The following RUVBL2 variants were observed in gnomAD, a reference collection of about 807,000 sequenced individuals.
The protein encoded by RUVBL2 is RuvB like AAA ATPase 2.
A neutral mutation model predicts 57.9 loss-of-function variants in RUVBL2; 9 were observed. The ratio of observed to expected loss-of-function variants is 0.16; its 90% CI spans 0.09 to 0.27. RUVBL2 has a LOEUF of 0.27. RUVBL2 is among the 10% of genes least tolerant of loss of function. The pLI is 1.00. For synonymous variants in RUVBL2, 278 were observed against 264.6 expected (o/e 1.05, Z -0.49); for missense variants, 456 against 669.6 (o/e 0.68, Z 3.52).
chr19:48,996,541 T>TGTGTGTGTGTG (rs2039065498), intron 1 of RUVBL2, among the ~76,000 whole-genome samples: 1 of 146,236 alleles, frequency 6.8e-6, no homozygotes, highest in African/African-American at 2.5e-5. Flanking sequence ...TGTGTGTGTG[T>TGTGTGTGTGTG]TAGTGATAGA....
intron 1 of RUVBL2, among the ~76,000 whole-genome samples, chr19:48,996,588 C>T (rs1304930303): frequency 6.6e-6 from 1 of 151,678 alleles, no homozygotes; most frequent in Non-Finnish European, 1.5e-5. Flanking sequence ...TGCAGTGGCG[C>T]GATCTCTGCT....
chr19:48,998,615 G>A (rs1290669720), intron 1 of RUVBL2, among the ~76,000 whole-genome samples: 2 of 150,300 alleles, frequency 1.3e-5, no homozygotes, highest in Non-Finnish European at 3.0e-5. Context: ...AGGCTGAGGC[G>A]GGAGAATCGG....
chr19:49,005,668 C>T (rs964895915), intron 4 of RUVBL2, among the ~76,000 whole-genome samples: 1 of 150,682 alleles, frequency 6.6e-6, no homozygotes. Context: ...GACAGTTTCA[C>T]TCTGTCGCTC....
At chr19:49,003,654 C>T (rs766967874) in intron 3 of RUVBL2, among the ~76,000 whole-genome samples, 6 of 151,768 alleles carry the variant, frequency 4.0e-5, no homozygotes, top group Non-Finnish European at 8.8e-5. Flanking sequence ...CATGGTGGTG[C>T]ATGCCTGTAA....
At chr19:49,004,551 C>A in intron 4 of RUVBL2, 133 bp downstream of exon 4, 1 of 879,428 alleles carries the variant, frequency 1.1e-6, no homozygotes, top group Non-Finnish European at 1.7e-6. Flanking sequence ...AGGATTCATT[C>A]TTGCCCATGG....
In RUVBL2 at chr19:48,999,161, C is replaced by T. The variant is rs1391263942; in HGVS notation, c.13-158C>T. The T allele has an allele frequency of 2.2e-5, 17 of 765,034 alleles. No homozygotes were observed. In the East Asian group the frequency reaches 3.8e-4, roughly 17 times the overall value. The allele number at this position is 765,034 out of a possible 1,614,324, so 47.4% of individuals were successfully genotyped here. On this transcript the variant is annotated intron_variant, in intron 1 of 14. Coordinates refer to ENST00000595090, the MANE Select transcript of RUVBL2 (RefSeq NM_006666.3). The stretch of plus-strand genomic sequence containing the variant: ...GGGGCTCAACCAACCAGCCATTAGG[C>T]AGTGACAGGCAAGAGGGGTGGGGGT...
At chr19:49,010,106 TG>T in intron 8 of RUVBL2, 40 bp downstream of exon 8, 1 of 1,572,312 alleles carries the variant, frequency 6.4e-7, no homozygotes, top group African/African-American at 1.3e-5. Flanking sequence ...CCCCCAGCAC[TG>T]GGGTGTTTTC....
chr19:48,999,207 C>T, intron 1 of RUVBL2, 112 bp from the exon 2 acceptor site: 7 of 1,172,152 alleles, frequency 6.0e-6, no homozygotes, highest in Non-Finnish European at 9.0e-6. Flanking sequence ...TGTCCCATCG[C>T]CTGCCTGTGA....
chr19:48,994,932 AG>A (rs2039025611), intron 1 of RUVBL2: 1 of 151,928 alleles, frequency 6.6e-6, no homozygotes, highest in South Asian at 2.1e-4. Flanking sequence ...AAAAAAAAAA[AG>A]GTAATGTGAC....
Position 49,015,678 on chromosome 19 carries a change from A to G in RUVBL2, c.1358A>G (p.Asn453Ser). 6.2e-7 allele frequency: 1 copy of G among 1,613,854 alleles called. No individual in the cohort carries two copies. Residue 453 changes from asparagine (N) to serine (S), a missense_variant, in exon 14 of 15, where the codon AAC becomes AGC. By Grantham distance (46) the Asn-to-Ser change is conservative (BLOSUM62 1). Around this residue, in one of 5 missense-constraint regions of RUVBL2, gnomAD observed 67 missense variants for 71.5 expected, o/e 0.94. Coordinates refer to ENST00000595090, the MANE Select transcript of RUVBL2 (RefSeq NM_006666.3). ...GAGTACCAGGACGCCTTCCTCTTCAACGAACTCAGTAAGAATCCCCACCCC... is the reference window on the plus strand; with the variant it reads ...GAGTACCAGGACGCCTTCCTCTTCAGCGAACTCAGTAAGAATCCCCACCCC... The part of the protein sequence containing the change: ...MKEYQDAFLF[N>S]ELKGETMDTS
At chr19:49,007,200 C>T (rs967227072) in intron 5 of RUVBL2, 53 bp downstream of exon 5, 33 of 1,609,578 alleles carry the variant, frequency 2.1e-5, no homozygotes, top group African/African-American at 5.3e-5. Flanking sequence ...GGAGCAACCC[C>T]GCACCCCGGG....
At position 49,011,328 on chromosome 19, in the gene RUVBL2, G is replaced by A. The variant is rs1178935977; in HGVS notation, c.1001+18G>A. The A allele has an allele frequency of 1.3e-6, 2 of 1,599,282 alleles. No individual in the cohort carries two copies. The highest frequency in any genetic ancestry group is 3.3e-5 in the Admixed American group (2 of 59,984). On this transcript the variant is annotated intron_variant, in intron 11 of 14. Coordinates refer to ENST00000595090, the MANE Select transcript of RUVBL2 (RefSeq NM_006666.3). The surrounding 1 kb of genome is among the most constrained non-coding windows in gnomAD (Gnocchi z 4.4). ...ATCACGCGGTGAGCCGGCTACAGGG[G>A]CCTCTGGGGAAAACAGGATGCTCTG...
chr19:49,009,369 C>T (rs1334482831), intron 6 of RUVBL2, among the ~76,000 whole-genome samples: 3 of 151,428 alleles, frequency 2.0e-5, no homozygotes, highest in African/African-American at 7.3e-5. Context: ...CGCCTGTAGT[C>T]CCAGCTACTC....
chr19:49,010,243 G>A (rs776170741), intron 8 of RUVBL2, 177 bp downstream of exon 8: 31 of 716,398 alleles, frequency 4.3e-5, no homozygotes, highest in Non-Finnish European at 6.8e-5. Flanking sequence ...TGGCACTATA[G>A]CTTCGCATGG....
At chr19:49,015,174 A>C in intron 13 of RUVBL2, 24 bp downstream of exon 13, 1 of 1,599,792 alleles carries the variant, frequency 6.3e-7, no homozygotes, top group Non-Finnish European at 8.5e-7. Flanking sequence ...ATTAGCCAGC[A>C]GGGCCAGATG....
intron 11 of RUVBL2, among the ~76,000 whole-genome samples, chr19:49,013,055 C>A (rs2039465397): frequency 6.6e-6 from 1 of 152,222 alleles, no homozygotes; most frequent in African/African-American, 2.4e-5. Flanking sequence ...CCTCTGCCTT[C>A]TGGGTTCAAG....
intron 2 of RUVBL2, among the ~76,000 whole-genome samples, chr19:49,002,487 C>CT (rs1356809340): frequency 2.6e-5 from 4 of 152,190 alleles, no homozygotes; most frequent in African/African-American, 9.6e-5. Context: ...CCTAACCTCT[C>CT]TGAGCTCCCT....
intron 6 of RUVBL2, among the ~76,000 whole-genome samples, chr19:49,008,001 C>T (rs1446081023): frequency 6.8e-6 from 1 of 146,868 alleles, no homozygotes; most frequent in African/African-American, 2.5e-5. Context: ...GCCACCATAC[C>T]TGGCCTCTTT....
At chr19:48,998,415 CTG>C (rs1388883723) in intron 1 of RUVBL2, among the ~76,000 whole-genome samples, 2 of 152,156 alleles carry the variant, frequency 1.3e-5, no homozygotes, top group Non-Finnish European at 2.9e-5. Flanking sequence ...GAGGACTTGT[CTG>C]GGCACGGTGG....
Sources: allele counts gnomAD v4.1 joint callset (sites outside exome capture counted in the v4.1 genomes callset), GRCh38; gene constraint gnomAD v4.1.1; regional missense constraint gnomAD v4.1.1; non-coding constraint Gnocchi (gnomAD v3.1); transcripts MANE v1.5; gene names NCBI Gene and HGNC (gene_info 2026-07-23, HGNC 2026-07-21).